Variants in HIBCH observed in about 807,000 individuals in gnomAD.
HIBCH encodes the protein 3-hydroxyisobutyryl-CoA hydrolase, mitochondrial.
In HIBCH, 50 loss-of-function variants were observed where a neutral mutation model predicts 58.2. The ratio of observed to expected loss-of-function variants is 0.86; its 90% CI spans 0.68 to 1.09. The LOEUF (loss-of-function observed/expected upper bound fraction) is 1.09. Ranked by LOEUF, HIBCH falls within the 50% of genes least tolerant of loss-of-function variation. HIBCH has a pLI of 0.00. For missense variants in HIBCH, 450 were observed against 449.7 expected (o/e 1.00, Z -0.01); for synonymous variants, 151 against 146.9 (o/e 1.03, Z -0.20).
chr2:190,290,848 C>CA (rs1687939894), intron 4 of HIBCH, among the ~76,000 whole-genome samples: 1 of 152,006 alleles, frequency 6.6e-6, no homozygotes, highest in South Asian at 2.1e-4. Flanking sequence ...TCTGTCTCAA[C>CA]AAAAAATGTT....
At chr2:190,245,043 T>C in intron 10 of HIBCH, 75 bp from the exon 11 acceptor site, 3 of 931,026 alleles carry the variant, frequency 3.2e-6, no homozygotes, top group South Asian at 1.3e-5. Flanking sequence ...AATCTGAACA[T>C]AGGCTTTCCC....
intron 6 of HIBCH, among the ~76,000 whole-genome samples, chr2:190,266,109 T>C (rs1392374641): frequency 1.3e-5 from 2 of 152,204 alleles, no homozygotes; most frequent in Non-Finnish European, 2.9e-5. Context: ...TTAATTCCAC[T>C]GGGGACAGAT....
At chr2:190,314,446 G>C (rs1183752308) in intron 1 of HIBCH, among the ~76,000 whole-genome samples, 1 of 149,856 alleles carries the variant, frequency 6.7e-6, no homozygotes, top group African/African-American at 2.5e-5. Context: ...CAAATTCCTT[G>C]TCAAATACTA....
At chr2:190,316,423 C>T (rs922906571) in intron 1 of HIBCH, among the ~76,000 whole-genome samples, 2 of 151,820 alleles carry the variant, frequency 1.3e-5, no homozygotes, top group African/African-American at 4.8e-5. Context: ...CATGCCCAGC[C>T]GAGCAGTTTT....
intron 2 of HIBCH, among the ~76,000 whole-genome samples, chr2:190,300,133 T>C (rs1423780486): frequency 6.6e-6 from 1 of 152,252 alleles, no homozygotes; most frequent in Non-Finnish European, 1.5e-5. Context: ...AACATACGTG[T>C]GCATGTGTCT....
chr2:190,262,200 A>C (rs548322606), intron 6 of HIBCH, among the ~76,000 whole-genome samples: 7 of 151,966 alleles, frequency 4.6e-5, no homozygotes, highest in Non-Finnish European at 7.4e-5. Flanking sequence ...AAAGAAAAAA[A>C]CCCTGAGAAT....
intron 6 of HIBCH, among the ~76,000 whole-genome samples, chr2:190,266,530 C>A (rs1687241310): frequency 6.6e-6 from 1 of 151,686 alleles, no homozygotes; most frequent in Admixed American, 6.6e-5. Context: ...GTCTCCTGGG[C>A]TCAAGTGATT....
chr2:190,243,765 C>T lies in HIBCH; in HGVS notation c.891+1122G>A, dbSNP rs529141332. Among the ~76,000 whole-genome samples, 20 of 152,110 alleles carry T rather than the reference C, an allele frequency of 1.3e-4. No individual in the cohort carries two copies. The South Asian group carries it at 2.5e-3, about 19-fold the overall frequency. ...GGTGAATCACTTGAGCCTAGGAGGT[C>T]GAGACCAGTCTGGCCAACATGGTGA... On this transcript the variant is annotated intron_variant, in intron 11 of 13. Coordinates refer to ENST00000359678, the MANE Select transcript of HIBCH (RefSeq NM_014362.4). The surrounding 1 kb of genome is among the most constrained non-coding windows in gnomAD (Gnocchi z 4.1).
rs1685526125 is a variant in HIBCH at position 190,216,254 on chromosome 2, A to G, written c.892-3179T>C. On this transcript the variant is annotated intron_variant, in intron 11 of 13. Coordinates refer to ENST00000359678, the MANE Select transcript of HIBCH (RefSeq NM_014362.4). This position sits in a 1 kb window ranked among gnomAD's most constrained non-coding sequence, Gnocchi z 4.2. ...CGGGACAGAGCCTGGGAACCGGGCG[A>G]TGCAAATGAGAAAGGGATGTGGAGG... 1 of 152,754 alleles carries G rather than the reference A, an allele frequency of 6.5e-6. No homozygotes were observed. The highest frequency in any genetic ancestry group is 1.5e-5 in the Non-Finnish European group (1 of 68,418). The allele number at this position is 152,754 out of a possible 1,614,324, so 9.5% of individuals were successfully genotyped here. A position where few individuals can be genotyped will look rare whatever the true frequency, so the allele number is the denominator to read the frequency against.
chr2:190,305,222 G>A (rs291436), intron 2 of HIBCH, among the ~76,000 whole-genome samples: 109,479 of 151,968 alleles, frequency 0.72, 39,953 homozygotes, highest in South Asian at 0.75. Flanking sequence ...GTTTGACAGA[G>A]CTTGGAAGTT....
At chr2:190,247,922 A>C (rs1014468109) in intron 9 of HIBCH, among the ~76,000 whole-genome samples, 6 of 152,228 alleles carry the variant, frequency 3.9e-5, no homozygotes, top group Non-Finnish European at 7.3e-5. Flanking sequence ...AATAGACTAC[A>C]GTATAGTGTA....
At chr2:190,261,434 T>C (rs1378174213) in intron 6 of HIBCH, among the ~76,000 whole-genome samples, 200 bp from the exon 7 acceptor site, 1 of 152,170 alleles carries the variant, frequency 6.6e-6, no homozygotes, top group African/African-American at 2.4e-5. Context: ...TATTCCCCTT[T>C]ATTAAACATT....
chr2:190,291,161 G>A (rs771060914), intron 4 of HIBCH, among the ~76,000 whole-genome samples: 16 of 151,994 alleles, frequency 1.1e-4, no homozygotes, highest in Admixed American at 3.3e-4. Context: ...GTGCTACAAC[G>A]TATCCCATGT....
At chr2:190,268,209 T>C (rs145393672) in intron 6 of HIBCH, among the ~76,000 whole-genome samples, 148 of 152,322 alleles carry the variant, frequency 9.7e-4, no homozygotes, top group East Asian at 6.5e-3. Context: ...ACGTACGTCA[T>C]TGGATATTTA....
rs34508159 is a variant in HIBCH, at chr2:190,304,252, TAAAAAAAAAA to T, written c.78+6492_78+6501del. 1.4e-5 allele frequency among the ~76,000 whole-genome samples: 2 copies of T among 145,540 alleles called. No homozygotes were observed. The highest frequency in any genetic ancestry group is 3.0e-5 in the Non-Finnish European group (2 of 66,504). On this transcript the variant is annotated intron_variant, in intron 2 of 13. Transcript: ENST00000359678. This position sits in a 1 kb window ranked among gnomAD's most constrained non-coding sequence, Gnocchi z 4.1. ...GAATACCTGAAACTGTGTAATTTGT[TAAAAAAAAAA>T]AAAAAAAGGAATTTATTCTTTTCCT...
rs1690492184 is a variant in HIBCH at position 190,210,491 on chromosome 2, A to G, written c.1012-1578T>C. 6.6e-6 allele frequency among the ~76,000 whole-genome samples: 1 copy of G among 151,988 alleles called. No individual in the cohort carries two copies. Among genetic ancestry groups the G allele is most frequent in the Non-Finnish European group, 1.5e-5 (1 of 68,010 alleles). ...GGACTCTCATTTTCTTTATAATATG[A>G]TCTTACCTATTCAGTGCTCAACATA... is the stretch of plus-strand genomic sequence containing the variant. On this transcript the variant is annotated intron_variant, in intron 12 of 13. Transcript: ENST00000359678. The surrounding 1 kb of genome is among the most constrained non-coding windows in gnomAD (Gnocchi z 5.5).
chr2:190,256,962 A>T (rs1190419097), intron 7 of HIBCH, among the ~76,000 whole-genome samples: 1 of 152,242 alleles, frequency 6.6e-6, no homozygotes, highest in African/African-American at 2.4e-5. Context: ...TAATGAATGA[A>T]GCATAAGTGA....
At chr2:190,303,679 G>C (rs1688328411) in intron 2 of HIBCH, among the ~76,000 whole-genome samples, 3 of 152,148 alleles carry the variant, frequency 2.0e-5, no homozygotes, top group Non-Finnish European at 4.4e-5. Flanking sequence ...AAGAGACAGA[G>C]CTTTGTCCCC....
intron 1 of HIBCH, among the ~76,000 whole-genome samples, chr2:190,312,456 T>A (rs1185638969): frequency 6.6e-6 from 1 of 152,210 alleles, no homozygotes; most frequent in Non-Finnish European, 1.5e-5. Context: ...CAGATACATA[T>A]ACCAACTAAT....
Sources: gnomAD v4.1 joint callset for allele counts (sites outside exome capture counted in the v4.1 genomes callset) on GRCh38, gnomAD v4.1.1 for gene constraint, Gnocchi (gnomAD v3.1) non-coding constraint, MANE v1.5 for transcripts, NCBI Gene and HGNC (gene_info 2026-07-23, HGNC 2026-07-21) for gene names.